The following NEBL variants were observed in gnomAD, a reference collection of about 807,000 sequenced individuals.
NEBL encodes LIM and SH3 protein 2.
Under a neutral mutation model 140.2 loss-of-function variants are expected in NEBL, and 122 were observed. The observed-to-expected ratio is 0.87, with a 90% confidence interval of 0.75 to 1.01. The LOEUF (loss-of-function observed/expected upper bound fraction) is 1.01. Among genes scored for constraint, NEBL ranks in the 50% least tolerant of loss-of-function variants. The probability of loss-of-function intolerance (pLI) is 0.00; values close to 1 mark genes in which losing one functional copy is unlikely to be tolerated. For synonymous variants in NEBL, 436 were observed against 398.9 expected, an observed-to-expected ratio of 1.09 and a Z score of -1.11; for missense variants, 1,365 against 1,231.3, an observed-to-expected ratio of 1.11 and a Z score of -1.62.
intron 2 of NEBL, among the ~76,000 whole-genome samples, chr10:21,155,549 T>C (rs901404722): frequency 9.9e-5 from 15 of 152,202 alleles, no homozygotes; most frequent in African/African-American, 3.4e-4. Flanking sequence ...TCTTTCTGTG[T>C]CTGATTCATT....
intron 2 of NEBL, among the ~76,000 whole-genome samples, chr10:21,074,483 CT>C (rs11345784): frequency 0.18 from 26,191 of 142,222 alleles, 2,636 homozygotes; most frequent in African/African-American, 0.33. Flanking sequence ...GAATTTTTTT[CT>C]TTTTTTTTTT....
At chr10:20,955,025 A>G (rs1835718263) in intron 4 of NEBL, among the ~76,000 whole-genome samples, 1 of 152,222 alleles carries the variant, frequency 6.6e-6, no homozygotes, top group Admixed American at 6.5e-5. Context: ...AGATTTTAAA[A>G]GAGGATGTGA....
chr10:20,839,619 G>A (rs1277681322), intron 13 of NEBL, among the ~76,000 whole-genome samples: 1 of 152,056 alleles, frequency 6.6e-6, no homozygotes, highest in African/African-American at 2.4e-5. Context: ...TGAGATTAAG[G>A]TCATGTTTTA....
chr10:21,080,520 T>G (rs959761530), intron 2 of NEBL, among the ~76,000 whole-genome samples: 2 of 152,254 alleles, frequency 1.3e-5, no homozygotes, highest in African/African-American at 4.8e-5. Context: ...CTGTACAATA[T>G]GAAGTTAGCC....
intron 2 of NEBL, among the ~76,000 whole-genome samples, chr10:20,892,547 C>G (rs1454113120): frequency 6.6e-6 from 1 of 152,158 alleles, no homozygotes; most frequent in South Asian, 2.1e-4. Flanking sequence ...CCTGTTTTTA[C>G]AGTCATCTGC....
chr10:20,812,892 G>A lies in NEBL; in HGVS notation c.2395C>T (p.Pro799Ser), dbSNP rs566320226. Residue 799 changes from proline to serine, a missense_variant, in exon 24 of 28, where the codon CCC (proline) becomes TCC (serine). Coordinates refer to ENST00000377122, the MANE Select transcript of NEBL (RefSeq NM_006393.3). ...FEKTKGRGFTPVVDDPVTERV... is the reference protein window; with the variant it reads ...FEKTKGRGFTSVVDDPVTERV... Reference sequence around the variant, plus strand: ...TCTGTCACAGGATCGTCCACGACGGGAGTAAAGCCTCTCCCCTTTGTTTTT... The same window carrying A: ...TCTGTCACAGGATCGTCCACGACGGAAGTAAAGCCTCTCCCCTTTGTTTTT... 2.3e-5 allele frequency: 37 copies of A among 1,613,990 alleles called. No individual in the cohort carries two copies. The East Asian group carries it at 7.4e-4, about 32-fold the overall frequency.
intron 2 of NEBL, among the ~76,000 whole-genome samples, chr10:21,056,130 G>A (rs571442070): frequency 3.7e-4 from 56 of 152,228 alleles, no homozygotes; most frequent in Non-Finnish European, 6.0e-4. Flanking sequence ...GCATCATGAT[G>A]TAGGATGATT....
intron 2 of NEBL, among the ~76,000 whole-genome samples, chr10:21,118,928 C>G (rs1410763170): frequency 6.6e-6 from 1 of 152,176 alleles, no homozygotes; most frequent in Non-Finnish European, 1.5e-5. Flanking sequence ...ACATTACTTT[C>G]ACCGCTTACA....
intron 2 of NEBL, among the ~76,000 whole-genome samples, chr10:21,068,897 G>T (rs1361336585): frequency 6.6e-6 from 1 of 152,012 alleles, no homozygotes; most frequent in African/African-American, 2.4e-5. Flanking sequence ...TGTTGTTGTT[G>T]TTGTTTAAGA....
chr10:20,826,220 C>G (rs531079094), intron 18 of NEBL, among the ~76,000 whole-genome samples: 1 of 152,116 alleles, frequency 6.6e-6, no homozygotes, highest in African/African-American at 2.4e-5. Flanking sequence ...AATGACCTAG[C>G]TCTTCTTCAT....
chr10:21,094,989 CTA>C (rs1240270915), intron 2 of NEBL, among the ~76,000 whole-genome samples: 1 of 152,192 alleles, frequency 6.6e-6, no homozygotes, highest in Non-Finnish European at 1.5e-5. Context: ...GTAGGTGTGC[CTA>C]TATCCATAGT....
chr10:20,795,391 G>A (rs573465476), intron 26 of NEBL, among the ~76,000 whole-genome samples: 5 of 152,156 alleles, frequency 3.3e-5, no homozygotes, highest in Non-Finnish European at 5.9e-5. Context: ...GGTTGATGAG[G>A]TATGCTAAAA....
intron 2 of NEBL, among the ~76,000 whole-genome samples, chr10:21,093,636 T>A (rs1837027938): frequency 6.6e-6 from 1 of 151,874 alleles, no homozygotes; most frequent in South Asian, 2.1e-4. Context: ...AGATTAAGAG[T>A]TGGTAGAACC....
chr10:20,849,492 G>C (rs1437404592), intron 11 of NEBL, among the ~76,000 whole-genome samples: 3 of 152,162 alleles, frequency 2.0e-5, no homozygotes, highest in African/African-American at 7.2e-5. Flanking sequence ...CCTCATGAAT[G>C]GATTGATGCC....
chr10:21,114,738 T>A (rs575431394), intron 2 of NEBL, among the ~76,000 whole-genome samples: 1 of 152,046 alleles, frequency 6.6e-6, no homozygotes, highest in African/African-American at 2.4e-5. Context: ...AACGCTGGCA[T>A]GCTGTATCTT....
intron 3 of NEBL, among the ~76,000 whole-genome samples, chr10:21,230,135 A>G (rs1335038803): frequency 6.6e-6 from 1 of 152,236 alleles, no homozygotes; most frequent in Non-Finnish European, 1.5e-5. Context: ...GCCCATAAAA[A>G]TAATTCAAAT....
intron 3 of NEBL, among the ~76,000 whole-genome samples, chr10:21,210,569 A>T (rs929877782): frequency 2.0e-5 from 3 of 152,232 alleles, no homozygotes; most frequent in African/African-American, 7.2e-5. Context: ...TATTTTTACA[A>T]ACAAAAATTC....
intron 1 of NEBL, among the ~76,000 whole-genome samples, chr10:21,278,322 T>A (rs1842949430): frequency 6.6e-6 from 1 of 152,084 alleles, no homozygotes; most frequent in South Asian, 2.1e-4. Context: ...CGTGCACCTA[T>A]CATCCCAGCT....
chr10:20,888,892 T>C (rs537773387), intron 3 of NEBL, among the ~76,000 whole-genome samples: 1 of 152,366 alleles, frequency 6.6e-6, no homozygotes, highest in Non-Finnish European at 1.5e-5. Flanking sequence ...AAACAAACTA[T>C]GTTCTTCCAT....
Sources: allele counts gnomAD v4.1 joint callset (sites outside exome capture counted in the v4.1 genomes callset), GRCh38; gene constraint gnomAD v4.1.1; transcripts MANE v1.5; gene names NCBI Gene and HGNC (gene_info 2026-07-23, HGNC 2026-07-21).